The following SPPL2A variants were observed in gnomAD, a reference collection of about 807,000 sequenced individuals.
SPPL2A encodes the protein signal peptide peptidase like 2A.
SPPL2A carries 51 observed loss-of-function variants against 63.8 expected under a neutral mutation model. The observed-to-expected ratio is 0.80, with a 90% CI of 0.64 to 1.01. The LOEUF (loss-of-function observed/expected upper bound fraction) is 1.01, where lower values mean the gene tolerates loss of function less well. Ranked by LOEUF, SPPL2A falls within the 50% of genes least tolerant of loss-of-function variation. The pLI is 0.00. For synonymous variants in SPPL2A, 188 were observed against 205.8 expected, an observed-to-expected ratio of 0.91 and a Z score of 0.74; for missense variants, 553 against 622.7, an observed-to-expected ratio of 0.89 and a Z score of 1.19.
At position 50,726,397 on chromosome 15, in the gene SPPL2A, G is replaced by T; in HGVS notation, c.1090-20C>A. 1 of 1,609,630 alleles carries T rather than the reference G, an allele frequency of 6.2e-7. No homozygotes were observed. Among genetic ancestry groups the T allele is most frequent in the South Asian group, 1.1e-5 (1 of 90,930 alleles). Reference sequence around the variant, plus strand: ...ACCATTCTAAAATTGAGAAGGAAAAGAAGTTGTCTAATCATTTAAAGAGAA... The same window carrying T: ...ACCATTCTAAAATTGAGAAGGAAAATAAGTTGTCTAATCATTTAAAGAGAA... On this transcript the variant is annotated intron_variant, in intron 10 of 14. Coordinates refer to ENST00000261854, the MANE Select transcript of SPPL2A (RefSeq NM_032802.4).
At chr15:50,731,696 G>A (rs1163635902) in intron 9 of SPPL2A, among the ~76,000 whole-genome samples, 2 of 145,182 alleles carry the variant, frequency 1.4e-5, no homozygotes, top group African/African-American at 5.1e-5. Flanking sequence ...GGGAGGCCCA[G>A]GTGGGCAGAT....
intron 1 of SPPL2A, among the ~76,000 whole-genome samples, chr15:50,759,580 A>G (rs1424116704): frequency 6.6e-6 from 1 of 152,108 alleles, no homozygotes; most frequent in Admixed American, 6.5e-5. Context: ...CGTCTCTACT[A>G]AAAACATAAA....
At chr15:50,755,719 C>A (rs2062952328) in intron 1 of SPPL2A, among the ~76,000 whole-genome samples, 1 of 150,506 alleles carries the variant, frequency 6.6e-6, no homozygotes, top group Non-Finnish European at 1.5e-5. Flanking sequence ...GAAGTTCTGA[C>A]CAATTTATGT....
chr15:50,747,518 T>C lies in SPPL2A; in HGVS notation c.561A>G (p.Gly187=). ...ACAATTCAACTAGTCCACTCCAGTA[T>C]CCACCTAATGCCACAGTGAACACCG... ...VIAVFTVALG[G]YWSGLVELEN... is the part of the protein sequence containing the mutation. Residue 187 remains glycine (G), a synonymous_variant, in exon 5 of 15, where the codon GGA becomes GGG. Coordinates refer to ENST00000261854, the MANE Select transcript of SPPL2A (RefSeq NM_032802.4). 1 of 1,611,546 alleles carries C rather than the reference T, an allele frequency of 6.2e-7. No individual in the cohort carries two copies. The highest frequency in any genetic ancestry group is 8.5e-7 in the Non-Finnish European group (1 of 1,179,166).
chr15:50,740,692 CCT>C (rs2062813308), intron 5 of SPPL2A, among the ~76,000 whole-genome samples: 1 of 151,898 alleles, frequency 6.6e-6, no homozygotes, highest in Non-Finnish European at 1.5e-5. Flanking sequence ...CTCACTGAAA[CCT>C]CTGCCTCCCA....
chr15:50,765,678 G>A lies in SPPL2A; in HGVS notation c.-145C>T. ...GCCGGGCTACGACTGGACCGCCGCT[G>A]CTACAGCGGCCGCCACAGCAGCGCG... On this transcript the variant is annotated 5_prime_UTR_variant, in exon 1 of 15. Transcript: ENST00000261854. The A allele has an allele frequency of 2.3e-6, 1 of 435,954 alleles. No homozygotes were observed. Among genetic ancestry groups the A allele is most frequent in the Non-Finnish European group, 3.9e-6 (1 of 258,352 alleles). The allele number at this position is 435,954 out of a possible 1,614,324, so 27.0% of individuals were successfully genotyped here.
At chr15:50,747,120 A>G (rs2062864579) in intron 5 of SPPL2A, among the ~76,000 whole-genome samples, 1 of 152,188 alleles carries the variant, frequency 6.6e-6, no homozygotes, top group South Asian at 2.1e-4. Context: ...ATGAGGCCAC[A>G]CTGTAATGAC....
chr15:50,729,061 G>A (rs1490878831), intron 10 of SPPL2A, among the ~76,000 whole-genome samples: 2 of 151,482 alleles, frequency 1.3e-5, no homozygotes, highest in African/African-American at 2.4e-5. Context: ...TGATCCACCC[G>A]CCTTGGCCTC....
At chr15:50,731,284 C>T (rs571423331) in intron 9 of SPPL2A, among the ~76,000 whole-genome samples, 35 of 152,114 alleles carry the variant, frequency 2.3e-4, no homozygotes, top group Non-Finnish European at 4.0e-4. Flanking sequence ...TGGTGGCTCA[C>T]GCCTGTAATC....
At chr15:50,739,166 C>T (rs991172001) in intron 6 of SPPL2A, among the ~76,000 whole-genome samples, 7 of 144,656 alleles carry the variant, frequency 4.8e-5, no homozygotes, top group Non-Finnish European at 1.1e-4. Context: ...GAAAACATAA[C>T]GTACTTTTTT....
At chr15:50,716,051 C>T (rs1280529481) in intron 14 of SPPL2A, among the ~76,000 whole-genome samples, 1 of 152,200 alleles carries the variant, frequency 6.6e-6, no homozygotes, top group Admixed American at 6.5e-5. Context: ...ATTCACTCGT[C>T]TATCCATTTA....
chr15:50,742,247 T>C (rs980398868), intron 5 of SPPL2A, among the ~76,000 whole-genome samples: 12 of 152,004 alleles, frequency 7.9e-5, no homozygotes, highest in African/African-American at 2.9e-4. Flanking sequence ...ACATCTCTAT[T>C]AATAATACAA....
intron 8 of SPPL2A, among the ~76,000 whole-genome samples, chr15:50,732,898 C>T (rs2062741927): frequency 6.6e-6 from 1 of 151,966 alleles, no homozygotes; most frequent in Non-Finnish European, 1.5e-5. Context: ...AAGTGATTTT[C>T]ATGTCTCAGC....
chr15:50,750,458 G>C (rs918567968), intron 1 of SPPL2A, among the ~76,000 whole-genome samples: 2 of 151,918 alleles, frequency 1.3e-5, no homozygotes, highest in African/African-American at 4.8e-5. Flanking sequence ...TAGGAACTAG[G>C]GTACAAAGAA....
intron 5 of SPPL2A, among the ~76,000 whole-genome samples, chr15:50,744,411 A>G (rs2062843077): frequency 6.6e-6 from 1 of 152,186 alleles, no homozygotes; most frequent in Non-Finnish European, 1.5e-5. Flanking sequence ...TTTAGTTACA[A>G]ATAAGATCTT....
At chr15:50,716,956 CTG>C (rs1220922842) in intron 14 of SPPL2A, among the ~76,000 whole-genome samples, 8 of 152,166 alleles carry the variant, frequency 5.3e-5, no homozygotes, top group Non-Finnish European at 5.9e-5. Flanking sequence ...ATGTTCAAGA[CTG>C]AATTCATCAT....
At chr15:50,747,391 A>T in intron 5 of SPPL2A, 104 bp downstream of exon 5, 1 of 941,960 alleles carries the variant, frequency 1.1e-6, no homozygotes, top group Non-Finnish European at 1.7e-6. Flanking sequence ...TACTGGCATC[A>T]TATTCTGAGG....
rs2062485932 is a variant in SPPL2A at position 50,702,942 on chromosome 15, G to A, written c.*4858C>T. On this transcript the variant is annotated 3_prime_UTR_variant, in exon 15 of 15. Coordinates refer to ENST00000261854, the MANE Select transcript of SPPL2A (RefSeq NM_032802.4). The stretch of plus-strand genomic sequence containing the variant: ...CTGAAAATTCAGTAATCTAGCATAT[G>A]AGTATTACAGTAGAGGATCAAATTC... 6.6e-6 allele frequency: 1 copy of A among 152,026 alleles called. No individual in the cohort carries two copies. The highest frequency in any genetic ancestry group is 1.5e-5 in the Non-Finnish European group (1 of 68,010). 9.4% of individuals were successfully genotyped at this position (152,026 alleles called of 1,614,324 possible).
At chr15:50,712,622 A>G (rs893814553) in intron 14 of SPPL2A, among the ~76,000 whole-genome samples, 6 of 144,948 alleles carry the variant, frequency 4.1e-5, no homozygotes, top group Non-Finnish European at 7.5e-5. Flanking sequence ...ACCCACCACT[A>G]TGGATTTCCT....
Sources: allele counts gnomAD v4.1 joint callset (sites outside exome capture counted in the v4.1 genomes callset), GRCh38; gene constraint gnomAD v4.1.1; transcripts MANE v1.5; gene names NCBI Gene and HGNC (gene_info 2026-07-23, HGNC 2026-07-21).